RBFOX1: variants seen among roughly 807,000 people sequenced by gnomAD.
RBFOX1 encodes the protein RNA binding fox-1 homolog 1.
Under a neutral mutation model 57.7 loss-of-function variants are expected in RBFOX1, and 8 were observed. The ratio of observed to expected loss-of-function variants is 0.14; its 90% confidence interval spans 0.08 to 0.25. RBFOX1 has a LOEUF of 0.25. Ranked by LOEUF, RBFOX1 falls within the 10% of genes least tolerant of loss-of-function variation. The probability of loss-of-function intolerance (pLI) is 1.00; values close to 1 mark genes in which losing one functional copy is unlikely to be tolerated. For missense variants in RBFOX1, 611 were observed against 548.5 expected, an observed-to-expected ratio of 1.11 and a Z score of -1.14; for synonymous variants, 326 against 222.4, an observed-to-expected ratio of 1.47 and a Z score of -4.15.
At chr16:6,842,616 G>T (rs1392143629) in intron 3 of RBFOX1, among the ~76,000 whole-genome samples, 2 of 147,234 alleles carry the variant, frequency 1.4e-5, no homozygotes, top group East Asian at 2.1e-4. Flanking sequence ...GTTTCCTGCT[G>T]ACAGACATTT....
chr16:7,406,889 C>T (rs1054266843), intron 4 of RBFOX1, among the ~76,000 whole-genome samples: 2 of 152,150 alleles, frequency 1.3e-5, no homozygotes, highest in Non-Finnish European at 2.9e-5. Context: ...ACCTGCTTTC[C>T]TTGGCTCATG....
chr16:7,089,991 C>A (rs1343960166), intron 4 of RBFOX1, among the ~76,000 whole-genome samples: 1 of 151,938 alleles, frequency 6.6e-6, no homozygotes, highest in Non-Finnish European at 1.5e-5. Flanking sequence ...AGCAAGCTAG[C>A]ATTAACACTG....
chr16:5,368,426 C>T (rs1216151668), intron 1 of RBFOX1, among the ~76,000 whole-genome samples: 2 of 152,148 alleles, frequency 1.3e-5, no homozygotes, highest in African/African-American at 4.8e-5. Context: ...CTCCCACTTC[C>T]TTGTTTTTCT....
intron 3 of RBFOX1, among the ~76,000 whole-genome samples, chr16:6,801,627 C>T (rs1227360842): frequency 6.6e-6 from 1 of 151,784 alleles, no homozygotes; most frequent in African/African-American, 2.4e-5. Context: ...CATCAGGAGA[C>T]AGCTAATTGG....
At chr16:6,158,910 GTT>G (rs35733470) in intron 1 of RBFOX1, among the ~76,000 whole-genome samples, 12 of 145,052 alleles carry the variant, frequency 8.3e-5, no homozygotes, top group South Asian at 2.2e-4. Flanking sequence ...TCATAGGTTT[GTT>G]TTTTTTTTTT....
In RBFOX1 at chr16:6,411,156, T is replaced by G. The variant is rs371855983; in HGVS notation, c.-64+94099T>G. Among the ~76,000 whole-genome samples the G allele has an allele frequency of 2.0e-5, 3 of 152,208 alleles. No individual in the cohort carries two copies. The East Asian group carries it at 5.8e-4, about 29-fold the overall frequency. On this transcript the variant is annotated intron_variant, in intron 2 of 15. Transcript: ENST00000550418. ...TCACATATGGCCAATTGTTTTTAAA[T>G]TTTTTTTGTAGAGGTGGAGTCTTGC...
chr16:7,664,935 T>C lies in RBFOX1; in HGVS notation c.897T>C (p.Val299=). 3.7e-6 allele frequency: 6 copies of C among 1,613,950 alleles called. No homozygotes were observed. The South Asian group carries it at 6.6e-5, about 18-fold the overall frequency. Residue 299 remains valine (V), a synonymous_variant, in exon 13 of 16, where the codon GTT becomes GTC. Transcript: ENST00000550418. ...PPPIPAYGGV[V]YQDGFYGADI... ...TGTGTGTGCACCCTTGCAGTGTTGT[T>C]TACCAGGATGGATTTTATGGTGCAG...
rs1041002476 is a variant in RBFOX1 at position 6,536,255 on chromosome 16, A to G, written c.-63-118348A>G. On this transcript the variant is annotated intron_variant, in intron 2 of 15. Coordinates refer to ENST00000550418, the MANE Select transcript of RBFOX1 (RefSeq NM_018723.4). ...CTTGGACTTCAGATAAATCTCTAGT[A>G]TCCTCAAGAGTCTTTGAATACTTTC... 3.9e-5 allele frequency among the ~76,000 whole-genome samples: 6 copies of G among 152,228 alleles called. No homozygotes were observed. The South Asian group carries it at 1.2e-3, about 31-fold the overall frequency.
At chr16:6,209,249 A>C (rs1005845250) in intron 1 of RBFOX1, among the ~76,000 whole-genome samples, 3 of 152,158 alleles carry the variant, frequency 2.0e-5, no homozygotes, top group Admixed American at 2.0e-4. Context: ...AACACCAGGG[A>C]AGAGGGGCCA....
At chr16:5,654,528 T>C (rs1306568868) in intron 3 of RBFOX1, among the ~76,000 whole-genome samples, 1 of 152,134 alleles carries the variant, frequency 6.6e-6, no homozygotes, top group Admixed American at 6.5e-5. Flanking sequence ...AGAATCGTCC[T>C]CCAAGACTCC....
rs1017502307 is a variant in RBFOX1, at chr16:6,222,295, C to G, written c.-126-94700C>G. Among the ~76,000 whole-genome samples, 9 of 152,048 alleles carry G rather than the reference C, an allele frequency of 5.9e-5. 1 individual carries two copies. The highest frequency in any genetic ancestry group is 5.9e-4 in the Admixed American group (9 of 15,248). On this transcript the variant is annotated intron_variant, in intron 1 of 15. Coordinates refer to ENST00000550418, the MANE Select transcript of RBFOX1 (RefSeq NM_018723.4). ...AATTATTTCTGACCTTCTTCTATACCTTGCTGTCTTCCGCTCTAGAGGCTG... is the reference window on the plus strand; with the variant it reads ...AATTATTTCTGACCTTCTTCTATACGTTGCTGTCTTCCGCTCTAGAGGCTG...
chr16:6,158,450 G>T (rs1245176630), intron 1 of RBFOX1, among the ~76,000 whole-genome samples: 1 of 152,044 alleles, frequency 6.6e-6, no homozygotes, highest in Non-Finnish European at 1.5e-5. Flanking sequence ...TTTTTCCCTC[G>T]TAAAGAATCT....
At chr16:6,813,665 GA>G (rs1276281862) in intron 3 of RBFOX1, among the ~76,000 whole-genome samples, 1 of 152,050 alleles carries the variant, frequency 6.6e-6, no homozygotes, top group Non-Finnish European at 1.5e-5. Context: ...TTTTCATTTT[GA>G]ATTTCTTTAT....
At chr16:5,242,392 G>A (rs545925744) in intron 1 of RBFOX1, among the ~76,000 whole-genome samples, 26 of 152,220 alleles carry the variant, frequency 1.7e-4, no homozygotes, top group Admixed American at 5.9e-4. Context: ...GCGGCCCCTC[G>A]AAAAGAGGGA....
intron 3 of RBFOX1, among the ~76,000 whole-genome samples, chr16:6,767,393 G>A (rs893354836): frequency 1.3e-5 from 2 of 152,172 alleles, no homozygotes; most frequent in African/African-American, 2.4e-5. Flanking sequence ...AGACCACAGG[G>A]CTAGGACTGA....
chr16:7,348,474 C>T (rs955142204), intron 4 of RBFOX1, among the ~76,000 whole-genome samples: 4 of 152,032 alleles, frequency 2.6e-5, no homozygotes, highest in South Asian at 2.1e-4. Context: ...ACACATATTC[C>T]GTGTCCTTTC....
At chr16:7,142,164 C>T (rs150030680) in intron 4 of RBFOX1, among the ~76,000 whole-genome samples, 3 of 152,144 alleles carry the variant, frequency 2.0e-5, no homozygotes, top group Admixed American at 6.5e-5. Flanking sequence ...GCTGGGACTG[C>T]GAGCACACAC....
At chr16:5,271,456 G>C (rs1351860231) in intron 1 of RBFOX1, among the ~76,000 whole-genome samples, 2 of 152,272 alleles carry the variant, frequency 1.3e-5, no homozygotes, top group Admixed American at 6.5e-5. Flanking sequence ...GGATCCTGCT[G>C]TTCAGCCTGG....
Position 7,712,029 on chromosome 16 carries a change from A to G in RBFOX1, c.*1284A>G, listed in dbSNP as rs1568635456. 1 of 151,880 alleles carries G rather than the reference A, an allele frequency of 6.6e-6. No individual in the cohort carries two copies. Among genetic ancestry groups the G allele is most frequent in the African/African-American group, 2.5e-5 (1 of 40,796 alleles). The allele number at this position is 151,880 out of a possible 1,614,324, so 9.4% of individuals were successfully genotyped here. A position where few individuals can be genotyped will look rare whatever the true frequency, so the allele number is the denominator to read the frequency against. ...CAGGACACTTGTCAGAAGGATGCAA[A>G]AAAAGAAAAAAGTACATCCACCCTC... On this transcript the variant is annotated 3_prime_UTR_variant, in exon 16 of 16. Transcript: ENST00000550418.
Sources: gnomAD v4.1 joint callset for allele counts (sites outside exome capture counted in the v4.1 genomes callset) on GRCh38, gnomAD v4.1.1 for gene constraint, MANE v1.5 for transcripts, NCBI Gene and HGNC (gene_info 2026-07-23, HGNC 2026-07-21) for gene names.